CADPS: variants seen among roughly 807,000 people sequenced by gnomAD.
The protein encoded by CADPS is calcium-dependent secretion activator 1.
CADPS carries 57 observed loss-of-function variants against 167.3 expected under a neutral mutation model. The observed-to-expected ratio is 0.34, with a 90% CI of 0.28 to 0.42. The LOEUF (loss-of-function observed/expected upper bound fraction) is 0.42. Among genes scored for constraint, CADPS ranks in the 20% least tolerant of loss-of-function variants. The probability of loss-of-function intolerance (pLI) is 1.00; values close to 1 mark genes in which losing one functional copy is unlikely to be tolerated. For missense variants in CADPS, 1,414 were observed against 1,738.1 expected (o/e 0.81, Z 3.32); for synonymous variants, 676 against 635.3 (o/e 1.06, Z -0.96).
At position 62,638,254 on chromosome 3, in the gene CADPS, A is replaced by T. The variant is rs2066725130; in HGVS notation, c.1325+7468T>A. ...ACCATACTGCTTGTGAACACTGATG[A>T]ATCTAAATCAAGTATCTGTTATTTT... On this transcript the variant is annotated intron_variant, in intron 6 of 29. Coordinates refer to ENST00000383710, the MANE Select transcript of CADPS (RefSeq NM_003716.4). 1.3e-5 allele frequency among the ~76,000 whole-genome samples: 2 copies of T among 152,238 alleles called. 1 individual carries two copies. Among genetic ancestry groups the T allele is most frequent in the Middle Eastern group, 6.8e-3 (2 of 294 alleles).
intron 3 of CADPS, among the ~76,000 whole-genome samples, chr3:62,735,102 T>A (rs2078723919): frequency 6.6e-6 from 1 of 152,078 alleles, no homozygotes; most frequent in African/African-American, 2.4e-5. Context: ...TTTTTTGTAA[T>A]AGCAAAAAAA....
rs1194485724 is a variant in CADPS, at chr3:62,601,736, A to T, written c.1326-8988T>A. On this transcript the variant is annotated intron_variant, in intron 6 of 29. Coordinates refer to ENST00000383710, the MANE Select transcript of CADPS (RefSeq NM_003716.4). The surrounding 1 kb of genome is among the most constrained non-coding windows in gnomAD (Gnocchi z 4.3). ...TCATTATTAATATCAAATAATAAACATGAGTAGCAGATGATTCATATTTAG... is the reference window on the plus strand; with the variant it reads ...TCATTATTAATATCAAATAATAAACTTGAGTAGCAGATGATTCATATTTAG... Among the ~76,000 whole-genome samples the T allele has an allele frequency of 6.6e-6, 1 of 152,230 alleles. No individual in the cohort carries two copies. The highest frequency in any genetic ancestry group is 1.5e-5 in the Non-Finnish European group (1 of 68,044).
intron 7 of CADPS, 133 bp from the exon 8 acceptor site, chr3:62,585,457 A>T: frequency 2.5e-6 from 2 of 811,772 alleles, no homozygotes; most frequent in South Asian, 2.2e-5. Flanking sequence ...TGGGGATAGA[A>T]ACACATTCTT....
chr3:62,574,437 G>C (rs561257699), intron 8 of CADPS, among the ~76,000 whole-genome samples: 1 of 152,314 alleles, frequency 6.6e-6, no homozygotes, highest in Middle Eastern at 3.4e-3. Flanking sequence ...TCAGGCAAGA[G>C]AGGTGATGGC....
intron 11 of CADPS, among the ~76,000 whole-genome samples, chr3:62,538,526 G>T (rs963922903): frequency 1.3e-5 from 2 of 152,078 alleles, no homozygotes; most frequent in Non-Finnish European, 2.9e-5. Context: ...CTCATAAAAA[G>T]CCTCATCCAT....
chr3:62,538,689 A>T (rs1406433583), intron 11 of CADPS, among the ~76,000 whole-genome samples: 1 of 152,102 alleles, frequency 6.6e-6, no homozygotes, highest in African/African-American at 2.4e-5. Context: ...TTCAATTATG[A>T]TGGTACAACT....
chr3:62,582,495 T>C (rs2083629968), intron 8 of CADPS, among the ~76,000 whole-genome samples: 1 of 152,186 alleles, frequency 6.6e-6, no homozygotes, highest in South Asian at 2.1e-4. Flanking sequence ...AGCTGTGACA[T>C]TGCTCTCATA....
intron 6 of CADPS, among the ~76,000 whole-genome samples, chr3:62,595,534 C>CAACAA (rs1158387754): frequency 7.2e-5 from 11 of 152,162 alleles, no homozygotes; most frequent in South Asian, 2.1e-4. Flanking sequence ...CAAACAGCTG[C>CAACAA]AAGTTTGGAA....
At chr3:62,528,814 G>C (rs988820912) in intron 13 of CADPS, among the ~76,000 whole-genome samples, 5 of 152,174 alleles carry the variant, frequency 3.3e-5, no homozygotes, top group Non-Finnish European at 5.9e-5. Context: ...TTTATCATCT[G>C]CAAAATGAAC....
At chr3:62,684,161 T>G (rs762493016) in intron 3 of CADPS, among the ~76,000 whole-genome samples, 44 of 152,094 alleles carry the variant, frequency 2.9e-4, no homozygotes, top group Non-Finnish European at 2.8e-4. Flanking sequence ...GTTTTCCATT[T>G]CTGTCTCCTT....
chr3:62,716,223 T>C (rs1308035122), intron 3 of CADPS, among the ~76,000 whole-genome samples: 1 of 152,108 alleles, frequency 6.6e-6, no homozygotes, highest in African/African-American at 2.4e-5. Flanking sequence ...CCAGCTAATT[T>C]CTGTATTTTT....
rs560610657 is a variant in CADPS, at chr3:62,449,265, TTTTTC to T, written c.3637-3473_3637-3469del. On this transcript the variant is annotated intron_variant, in intron 26 of 29. Transcript: ENST00000383710. ...GGCTAGGTAGAAGGCTCTGGACGTG[TTTTTC>T]TTTTCTTTTCTTTTCTTTGGATTTG... Among the ~76,000 whole-genome samples the T allele has an allele frequency of 1.2e-3, 178 of 152,274 alleles. 1 individual carries two copies. The highest frequency in any genetic ancestry group is 3.7e-3 in the African/African-American group (155 of 41,566).
chr3:62,874,798 GCC>G lies in CADPS; in HGVS notation c.230_231del (p.Gly77AlafsTer57). 8.4e-7 allele frequency: 1 copy of G among 1,197,110 alleles called. No homozygotes were observed. Among genetic ancestry groups the G allele is most frequent in the Non-Finnish European group, 1.1e-6 (1 of 932,506 alleles). The allele number at this position is 1,197,110 out of a possible 1,614,324, so 74.2% of individuals were successfully genotyped here. On this transcript the variant is annotated frameshift_variant, in exon 1 of 30. Transcript: ENST00000383710. LOFTEE classifies it high-confidence loss of function. This position sits in a 1 kb window ranked among gnomAD's most constrained non-coding sequence, Gnocchi z 7.1. ...CCGCCAGCGCGGCTGCTGGGTTGCA[GCC>G]CCCCGGCCCCGCCGCCGCTGCTCGC... ...SGASSGGGAG[G>X]LQPSSRAGGG...
chr3:62,867,631 T>C (rs908888619), intron 1 of CADPS, among the ~76,000 whole-genome samples: 8 of 152,060 alleles, frequency 5.3e-5, no homozygotes, highest in African/African-American at 1.7e-4. Flanking sequence ...ACCAAACTCC[T>C]CCATACTGTT....
intron 3 of CADPS, among the ~76,000 whole-genome samples, chr3:62,685,737 C>T (rs2077897060): frequency 6.9e-6 from 1 of 145,508 alleles, no homozygotes; most frequent in Non-Finnish European, 1.5e-5. Context: ...CTCTTTTCAC[C>T]TCACATCATC....
At chr3:62,567,827 A>G (rs961780150) in intron 9 of CADPS, among the ~76,000 whole-genome samples, 4 of 151,930 alleles carry the variant, frequency 2.6e-5, no homozygotes, top group African/African-American at 9.7e-5. Flanking sequence ...CGCCCTCCTC[A>G]GCTTCTCAAA....
At chr3:62,819,885 C>G (rs1461557966) in intron 1 of CADPS, among the ~76,000 whole-genome samples, 1 of 152,140 alleles carries the variant, frequency 6.6e-6, no homozygotes, top group Non-Finnish European at 1.5e-5. Context: ...CTGCCCTGTG[C>G]ACTTTTTCCT....
chr3:62,517,589 C>A (rs1023478266), intron 14 of CADPS, among the ~76,000 whole-genome samples: 5 of 152,114 alleles, frequency 3.3e-5, no homozygotes, highest in African/African-American at 9.7e-5. Context: ...CCAGAACCAC[C>A]AGGACAGCAC....
At chr3:62,626,406 C>T in intron 6 of CADPS, 1 of 653,284 alleles carries the variant, frequency 1.5e-6, no homozygotes, top group Admixed American at 2.2e-5. Context: ...TGAGTGTAAA[C>T]CAGGGAAATA....
Sources: gnomAD v4.1 joint callset for allele counts (sites outside exome capture counted in the v4.1 genomes callset) on GRCh38, gnomAD v4.1.1 for gene constraint, Gnocchi (gnomAD v3.1) non-coding constraint, MANE v1.5 for transcripts, NCBI Gene and HGNC (gene_info 2026-07-23, HGNC 2026-07-21) for gene names.